PLGRKT: variants seen among roughly 807,000 people sequenced by gnomAD.
PLGRKT encodes plasminogen receptor with a C-terminal lysine.
Under a neutral mutation model 18.5 loss-of-function variants are expected in PLGRKT, and 22 were observed. The observed-to-expected ratio is 1.19, with a 90% confidence interval of 0.85 to 1.70. PLGRKT has a LOEUF of 1.70. Ranked by LOEUF, PLGRKT falls within the 40% of genes most tolerant of loss-of-function variation. The pLI is 0.00. For missense variants in PLGRKT, 235 were observed against 174.4 expected, an observed-to-expected ratio of 1.35 and a Z score of -1.96; for synonymous variants, 72 against 52.8, an observed-to-expected ratio of 1.36 and a Z score of -1.58.
At chr9:5,433,281 A>G (rs879997016) in intron 2 of PLGRKT, among the ~76,000 whole-genome samples, 11 of 111,220 alleles carry the variant, frequency 9.9e-5, no homozygotes, top group African/African-American at 1.8e-4. Context: ...TCTAGGAAGT[A>G]AGGAGTGTCT....
intron 3 of PLGRKT, among the ~76,000 whole-genome samples, chr9:5,365,740 G>C (rs1013422930): frequency 6.6e-6 from 1 of 152,180 alleles, no homozygotes; most frequent in Non-Finnish European, 1.5e-5. Flanking sequence ...GTAATGGTAA[G>C]ATGTTAACAG....
Position 5,431,921 on chromosome 9 carries a change from G to C in PLGRKT, c.57C>G (p.Phe19Leu), listed in dbSNP as rs1288829324. Residue 19 changes from phenylalanine (F) to leucine (L), a missense_variant, in exon 3 of 6, where the codon TTC (phenylalanine) becomes TTG (leucine). Coordinates refer to ENST00000223864, the MANE Select transcript of PLGRKT (RefSeq NM_018465.4). ...MNESMKNQKE[F>L]MLMNARLQLE... The stretch of plus-strand genomic sequence containing the variant: ...CCTGAAGTCGAGCATTCATAAGCAT[G>C]AACTCCTTTTGATTTTTCATGCTTT... 1.3e-6 allele frequency: 2 copies of C among 1,535,980 alleles called. No homozygotes were observed. Among genetic ancestry groups the C allele is most frequent in the Non-Finnish European group, 1.8e-6 (2 of 1,110,138 alleles).
At chr9:5,435,977 C>A (rs1234295202) in intron 2 of PLGRKT, among the ~76,000 whole-genome samples, 3 of 152,214 alleles carry the variant, frequency 2.0e-5, no homozygotes, top group Non-Finnish European at 2.9e-5. Flanking sequence ...GTGCCAGAGT[C>A]AGCTTCAAAG....
intron 3 of PLGRKT, among the ~76,000 whole-genome samples, chr9:5,409,977 G>T (rs746989362): frequency 6.6e-6 from 1 of 152,098 alleles, no homozygotes; most frequent in Non-Finnish European, 1.5e-5. Context: ...GTGGGACCTG[G>T]AGAAATTTTT....
chr9:5,376,899 G>C (rs1174614326), intron 3 of PLGRKT, among the ~76,000 whole-genome samples: 1 of 152,032 alleles, frequency 6.6e-6, no homozygotes, highest in East Asian at 1.9e-4. Context: ...TGGGGACAGG[G>C]GTAAGAGGAA....
chr9:5,414,187 G>C (rs147281884), intron 3 of PLGRKT, among the ~76,000 whole-genome samples: 6 of 152,242 alleles, frequency 3.9e-5, no homozygotes, highest in Non-Finnish European at 7.4e-5. Context: ...GTTTGTTTAA[G>C]ACGGAGTCTC....
chr9:5,411,391 AAAAAAAAAG>A (rs1563784517), intron 3 of PLGRKT, among the ~76,000 whole-genome samples: 2 of 149,734 alleles, frequency 1.3e-5, no homozygotes, highest in African/African-American at 2.5e-5. Context: ...TTTCAAAAAA[AAAAAAAAAG>A]AAAAGAAAAG....
chr9:5,385,355 C>G lies in PLGRKT; in HGVS notation c.82-23467G>C, dbSNP rs192192507. On this transcript the variant is annotated intron_variant, in intron 3 of 5. Coordinates refer to ENST00000223864, the MANE Select transcript of PLGRKT (RefSeq NM_018465.4). ...TGGTATATGTCTTTTATCCACCACA[C>G]CTGGCTAATTTTTTGCATTTTTAGT... Among the ~76,000 whole-genome samples the G allele has an allele frequency of 1.8e-3, 276 of 151,880 alleles. 1 individual carries two copies. Among genetic ancestry groups the G allele is most frequent in the African/African-American group, 6.2e-3 (256 of 41,398 alleles).
At chr9:5,423,714 T>C (rs1344610647) in intron 3 of PLGRKT, among the ~76,000 whole-genome samples, 2 of 151,376 alleles carry the variant, frequency 1.3e-5, no homozygotes, top group East Asian at 3.8e-4. Flanking sequence ...TTTTTCTTTT[T>C]TTTTTGAGAC....
Position 5,369,102 on chromosome 9 carries a change from C to G in PLGRKT, c.82-7214G>C, listed in dbSNP as rs1008672566. Among the ~76,000 whole-genome samples, 3 of 152,154 alleles carry G rather than the reference C, an allele frequency of 2.0e-5. No homozygotes were observed. The East Asian group carries it at 5.8e-4, about 29-fold the overall frequency. On this transcript the variant is annotated intron_variant, in intron 3 of 5. Transcript: ENST00000223864. ...CAATAGCAACAAAAGCCAAAATTGA[C>G]AAATTGGATCTCATCAAACTAAAGA...
chr9:5,424,347 T>C (rs2131165119), intron 3 of PLGRKT, among the ~76,000 whole-genome samples: 1 of 133,808 alleles, frequency 7.5e-6, no homozygotes, highest in East Asian at 2.0e-4. Context: ...TATATTATCA[T>C]TAATAACATA....
At chr9:5,426,868 C>A (rs567778512) in intron 3 of PLGRKT, among the ~76,000 whole-genome samples, 1 of 152,144 alleles carries the variant, frequency 6.6e-6, no homozygotes, top group Non-Finnish European at 1.5e-5. Context: ...ATGTCACAAA[C>A]CCAAAGCATC....
chr9:5,432,797 G>A (rs1333022410), intron 2 of PLGRKT, among the ~76,000 whole-genome samples: 2 of 152,182 alleles, frequency 1.3e-5, no homozygotes, highest in African/African-American at 4.8e-5. Flanking sequence ...CTCATTCAGT[G>A]CTCAATGTTG....
intron 3 of PLGRKT, among the ~76,000 whole-genome samples, chr9:5,400,408 T>G: frequency 6.6e-6 from 1 of 151,914 alleles, no homozygotes; most frequent in East Asian, 1.9e-4. Flanking sequence ...AAGTGTAAAA[T>G]AAATTCCAAT....
At chr9:5,421,716 A>G (rs984997603) in intron 3 of PLGRKT, among the ~76,000 whole-genome samples, 4 of 152,238 alleles carry the variant, frequency 2.6e-5, no homozygotes, top group Non-Finnish European at 4.4e-5. Flanking sequence ...GTAACCCTAC[A>G]AAGTATCATA....
Position 5,418,191 on chromosome 9 carries a change from T to C in PLGRKT, c.81+13706A>G, listed in dbSNP as rs10815213. Among the ~76,000 whole-genome samples the C allele has an allele frequency of 0.27, 41,378 of 152,018 alleles. 5,930 individuals carry two copies. Among genetic ancestry groups the C allele is most frequent in the African/African-American group, 0.34 (14,219 of 41,432 alleles). Reference sequence around the variant, plus strand: ...TCAGAGCAAGTTGCCTGGTATCTTGTTGAGACCTCACCTTCTGCCCTTCAT... The same window carrying C: ...TCAGAGCAAGTTGCCTGGTATCTTGCTGAGACCTCACCTTCTGCCCTTCAT... On this transcript the variant is annotated intron_variant, in intron 3 of 5. Coordinates refer to ENST00000223864, the MANE Select transcript of PLGRKT (RefSeq NM_018465.4). The surrounding 1 kb of genome is among the most constrained non-coding windows in gnomAD (Gnocchi z 4.2).
chr9:5,431,668 C>T (rs527296871), intron 3 of PLGRKT, among the ~76,000 whole-genome samples: 12 of 152,038 alleles, frequency 7.9e-5, no homozygotes, highest in Admixed American at 1.3e-4. Context: ...ATACTCTAAG[C>T]AGTTATCTCT....
At chr9:5,370,320 A>G (rs567144102) in intron 3 of PLGRKT, among the ~76,000 whole-genome samples, 1 of 152,222 alleles carries the variant, frequency 6.6e-6, no homozygotes, top group Non-Finnish European at 1.5e-5. Context: ...AGGTCCACAG[A>G]CTATTTAATA....
At position 5,395,162 on chromosome 9, in the gene PLGRKT, G is replaced by A. The variant is rs113508420; in HGVS notation, c.82-33274C>T. Among the ~76,000 whole-genome samples, 226 of 151,638 alleles carry A rather than the reference G, an allele frequency of 1.5e-3. 8 individuals are homozygous for A. Among genetic ancestry groups the A allele is most frequent in the African/African-American group, 5.4e-3 (221 of 41,130 alleles). ...TCAAACAGATTATCTTCAAATAGGT[G>A]TAATATATTATTGGGGTTTTACAAT... is the stretch of plus-strand genomic sequence containing the variant. On this transcript the variant is annotated intron_variant, in intron 3 of 5. Transcript: ENST00000223864.
Sources: gnomAD v4.1 joint callset for allele counts (sites outside exome capture counted in the v4.1 genomes callset) on GRCh38, gnomAD v4.1.1 for gene constraint, Gnocchi (gnomAD v3.1) non-coding constraint, MANE v1.5 for transcripts, NCBI Gene and HGNC (gene_info 2026-07-23, HGNC 2026-07-21) for gene names.